Variants in EYA1 observed in about 807,000 individuals in gnomAD.
EYA1 encodes the protein EYA transcriptional coactivator and phosphatase 1, also known as protein phosphatase EYA1.
A neutral mutation model predicts 82.0 loss-of-function variants in EYA1; 16 were observed. The observed-to-expected ratio is 0.20, with a 90% CI of 0.13 to 0.30. The LOEUF is 0.30. Ranked by LOEUF, EYA1 falls within the 10% of genes least tolerant of loss-of-function variation. The pLI is 1.00. For missense variants in EYA1, 633 were observed against 730.7 expected, an observed-to-expected ratio of 0.87 and a Z score of 1.54; for synonymous variants, 261 against 264.4, an observed-to-expected ratio of 0.99 and a Z score of 0.12.
chr8:71,394,409 G>A (rs975764353), intron 2 of EYA1, among the ~76,000 whole-genome samples: 3 of 152,164 alleles, frequency 2.0e-5, no homozygotes, highest in Non-Finnish European at 4.4e-5. Context: ...TTCTTCTAGG[G>A]TTGTTATGGC....
At chr8:71,232,109 A>G (rs1475454949) in intron 12 of EYA1, among the ~76,000 whole-genome samples, 2 of 152,196 alleles carry the variant, frequency 1.3e-5, no homozygotes, top group Non-Finnish European at 2.9e-5. Context: ...ACCATCACCT[A>G]ACCAAGTGGC....
At chr8:71,489,127 A>C (rs1810797681) in intron 2 of EYA1, among the ~76,000 whole-genome samples, 1 of 152,164 alleles carries the variant, frequency 6.6e-6, no homozygotes, top group Non-Finnish European at 1.5e-5. Context: ...GGATGCTGTT[A>C]ATCCTGTAAC....
intron 12 of EYA1, among the ~76,000 whole-genome samples, chr8:71,226,346 G>A (rs984545275): frequency 1.3e-5 from 2 of 151,946 alleles, no homozygotes; most frequent in African/African-American, 4.8e-5. Flanking sequence ...CTCCTTCTTA[G>A]TGAGTACAAT....
intron 2 of EYA1, among the ~76,000 whole-genome samples, chr8:71,440,482 G>A (rs1806341491): frequency 6.6e-6 from 1 of 152,178 alleles, no homozygotes; most frequent in South Asian, 2.1e-4. Flanking sequence ...GGAAATGGGT[G>A]AGAGAGTACA....
chr8:71,207,459 T>A (rs575835893), intron 17 of EYA1, among the ~76,000 whole-genome samples: 2 of 152,250 alleles, frequency 1.3e-5, no homozygotes, highest in Non-Finnish European at 2.9e-5. Flanking sequence ...TTGTGAAAAA[T>A]TTGTCCATTT....
chr8:71,311,102 T>C (rs533826265), intron 7 of EYA1, among the ~76,000 whole-genome samples: 6 of 152,322 alleles, frequency 3.9e-5, no homozygotes, highest in African/African-American at 1.4e-4. Context: ...TTTCCTCATA[T>C]GATTGGGCAC....
chr8:71,461,400 T>C (rs1235855672), intron 2 of EYA1, among the ~76,000 whole-genome samples: 1 of 152,152 alleles, frequency 6.6e-6, no homozygotes. Flanking sequence ...GCTGGCTCTC[T>C]GTGAGGCTGT....
chr8:71,299,580 G>A, intron 8 of EYA1, 58 bp downstream of exon 8: 1 of 981,536 alleles, frequency 1.0e-6, no homozygotes, highest in Non-Finnish European at 1.6e-6. Flanking sequence ...CTTTACATAA[G>A]AAAATCATGT....
chr8:71,212,589 C>G (rs1230189615), intron 16 of EYA1, among the ~76,000 whole-genome samples: 1 of 152,180 alleles, frequency 6.6e-6, no homozygotes, highest in Admixed American at 6.5e-5. Flanking sequence ...TCCTATTGGG[C>G]TCATTGCCAA....
chr8:71,291,826 TG>T (rs764972936), intron 9 of EYA1, among the ~76,000 whole-genome samples: 5 of 152,156 alleles, frequency 3.3e-5, no homozygotes, highest in Admixed American at 6.5e-5. Flanking sequence ...ACCTATCTCA[TG>T]GTATATTGTA....
At chr8:71,468,019 G>T (rs1207920391) in intron 2 of EYA1, among the ~76,000 whole-genome samples, 1 of 152,064 alleles carries the variant, frequency 6.6e-6, no homozygotes, top group Non-Finnish European at 1.5e-5. Flanking sequence ...AAGTCTTGAT[G>T]GTATAACTGA....
At chr8:71,209,708 A>G (rs779771686) in intron 17 of EYA1, among the ~76,000 whole-genome samples, 5 of 152,218 alleles carry the variant, frequency 3.3e-5, no homozygotes, top group Non-Finnish European at 7.3e-5. Context: ...GGGCTGAGAT[A>G]TTGTATCATT....
chr8:71,516,371 A>C (rs1296679551), intron 2 of EYA1, among the ~76,000 whole-genome samples: 1 of 152,102 alleles, frequency 6.6e-6, no homozygotes, highest in Non-Finnish European at 1.5e-5. Context: ...AGAGCTCTTG[A>C]AGGATGGAAG....
intron 2 of EYA1, among the ~76,000 whole-genome samples, chr8:71,444,455 G>A (rs1390368387): frequency 3.3e-5 from 5 of 152,166 alleles, no homozygotes; most frequent in African/African-American, 1.2e-4. Context: ...GGGCAGAGAT[G>A]GTGACCTAGA....
intron 2 of EYA1, among the ~76,000 whole-genome samples, chr8:71,385,004 A>T (rs1183310017): frequency 6.6e-6 from 1 of 151,650 alleles, no homozygotes; most frequent in Admixed American, 6.6e-5. Flanking sequence ...ATAATCCAGG[A>T]TTTTTTTTAT....
chr8:71,327,820 A>G (rs748381173), intron 4 of EYA1, among the ~76,000 whole-genome samples: 2 of 150,376 alleles, frequency 1.3e-5, no homozygotes, highest in Non-Finnish European at 3.0e-5. Context: ...TTGTTAAGAC[A>G]CTAATAATAG....
intron 7 of EYA1, among the ~76,000 whole-genome samples, chr8:71,306,148 A>C (rs1399883120): frequency 1.3e-5 from 2 of 152,210 alleles, no homozygotes; most frequent in African/African-American, 4.8e-5. Flanking sequence ...AAATGACATG[A>C]AGACACCTGG....
At chr8:71,336,570 T>G (rs1181702256) in intron 3 of EYA1, among the ~76,000 whole-genome samples, 1 of 152,240 alleles carries the variant, frequency 6.6e-6, no homozygotes, top group Admixed American at 6.5e-5. Context: ...ATTCTCCATA[T>G]GATTAGCTTA....
chr8:71,414,024 A>C (rs1563590439), intron 2 of EYA1, among the ~76,000 whole-genome samples: 1 of 152,192 alleles, frequency 6.6e-6, no homozygotes. Flanking sequence ...TAGGAAAGAA[A>C]GTAGAATTGA....
Sources: allele counts gnomAD v4.1 joint callset (sites outside exome capture counted in the v4.1 genomes callset), GRCh38; gene constraint gnomAD v4.1.1; transcripts MANE v1.5; gene names NCBI Gene and HGNC (gene_info 2026-07-23, HGNC 2026-07-21).